The following CCDC181 variants were observed in gnomAD, a reference collection of about 807,000 sequenced individuals.
CCDC181 encodes the protein coiled-coil domain-containing protein 181.
CCDC181 carries 35 observed loss-of-function variants against 58.7 expected under a neutral mutation model. The observed-to-expected ratio is 0.60, with a 90% CI of 0.46 to 0.79. The LOEUF (loss-of-function observed/expected upper bound fraction) is 0.79. Ranked by LOEUF, CCDC181 falls within the 30% of genes least tolerant of loss-of-function variation. The pLI, the probability that CCDC181 is intolerant of heterozygous loss-of-function variation, is 0.00. For synonymous variants in CCDC181, 183 were observed against 197.5 expected (o/e 0.93, Z 0.62); for missense variants, 517 against 583.9 (o/e 0.89, Z 1.18).
Position 169,457,352 on chromosome 1 carries a change from T to C in CCDC181, c.-24+2445A>G, listed in dbSNP as rs113103964. Among the ~76,000 whole-genome samples, 5 of 152,248 alleles carry C rather than the reference T, an allele frequency of 3.3e-5. 1 individual carries two copies. Among genetic ancestry groups the C allele is most frequent in the African/African-American group, 1.2e-4 (5 of 41,554 alleles). On this transcript the variant is annotated intron_variant, in intron 2 of 6. Transcript: ENST00000545005. ...CTCCATTCTATCTATTCATTCCTTC[T>C]GAGGCTATAAGATCTTCTCATTCTG...
chr1:169,401,824 G>A (rs935124489), intron 4 of CCDC181, among the ~76,000 whole-genome samples: 1 of 152,194 alleles, frequency 6.6e-6, no homozygotes, highest in African/African-American at 2.4e-5. Flanking sequence ...GAGAGAAGAA[G>A]GCTTCAGACA....
intron 1 of CCDC181, among the ~76,000 whole-genome samples, chr1:169,425,862 A>G (rs1303570156): frequency 1.3e-5 from 2 of 152,156 alleles, no homozygotes; most frequent in East Asian, 3.8e-4. Context: ...ATTTTATGAT[A>G]AACATAGTTC....
intron 4 of CCDC181, among the ~76,000 whole-genome samples, chr1:169,411,602 A>C (rs1655965738): frequency 6.6e-6 from 1 of 152,206 alleles, no homozygotes; most frequent in Non-Finnish European, 1.5e-5. Context: ...TTTCAAGCCA[A>C]TATCCCTGAT....
chr1:169,448,501 C>T (rs971966802), intron 2 of CCDC181, among the ~76,000 whole-genome samples: 8 of 151,840 alleles, frequency 5.3e-5, no homozygotes, highest in Admixed American at 3.3e-4. Context: ...CTTTAAATAT[C>T]TCACTCTATT....
chr1:169,455,078 T>C (rs1201481852), intron 2 of CCDC181, among the ~76,000 whole-genome samples: 1 of 152,018 alleles, frequency 6.6e-6, no homozygotes, highest in Non-Finnish European at 1.5e-5. Context: ...AAATTTTTTC[T>C]ATTCATTTTC....
intron 2 of CCDC181, among the ~76,000 whole-genome samples, chr1:169,443,913 C>G (rs1420692674): frequency 2.0e-5 from 3 of 152,062 alleles, no homozygotes; most frequent in Non-Finnish European, 4.4e-5. Context: ...ATATTCTGTA[C>G]TGTTAATATC....
intron 3 of CCDC181, among the ~76,000 whole-genome samples, chr1:169,420,941 A>G (rs1378898646): frequency 6.6e-6 from 1 of 152,236 alleles, no homozygotes; most frequent in Non-Finnish European, 1.5e-5. Context: ...ATAACATGAA[A>G]CACATGCAAA....
intron 2 of CCDC181, among the ~76,000 whole-genome samples, chr1:169,447,217 A>G (rs1657401540): frequency 6.6e-6 from 1 of 152,058 alleles, no homozygotes; most frequent in African/African-American, 2.4e-5. Flanking sequence ...GGTTCAAGAA[A>G]TTCTCCTGCC....
chr1:169,460,166 A>G (rs1657804758), intron 1 of CCDC181: 2 of 152,088 alleles, frequency 1.3e-5, no homozygotes, highest in Non-Finnish European at 1.5e-5. Context: ...ATAATAAACT[A>G]TTTCAGTGGG....
rs557771678 is a variant in CCDC181, at chr1:169,444,368, C to T, written c.-24+15429G>A. ...TTCCTCAGGAAAAACTTGTTATCCT[C>T]GCATTAATTTTTAAAGTAATTTCTC... On this transcript the variant is annotated intron_variant, in intron 2 of 6. Coordinates refer to the CCDC181 transcript ENST00000545005. Among the ~76,000 whole-genome samples the T allele has an allele frequency of 2.6e-5, 4 of 152,242 alleles. No homozygotes were observed. The East Asian group carries it at 5.8e-4, about 22-fold the overall frequency.
chr1:169,446,650 C>T lies in CCDC181; in HGVS notation c.-24+13147G>A, dbSNP rs188694974. 1.5e-3 allele frequency among the ~76,000 whole-genome samples: 235 copies of T among 152,184 alleles called. 4 individuals carry two copies. Among genetic ancestry groups the T allele is most frequent in the Non-Finnish European group, 1.6e-4 (11 of 68,012 alleles). ...CAATAAAAATAATACAAATTAAATA[C>T]CAATGCTCTATAACAACTATTTACA... is the stretch of plus-strand genomic sequence containing the variant. On this transcript the variant is annotated intron_variant, in intron 2 of 6. Transcript: ENST00000545005.
chr1:169,405,459 A>G (rs1655595239), intron 4 of CCDC181, among the ~76,000 whole-genome samples: 2 of 152,202 alleles, frequency 1.3e-5, no homozygotes, highest in African/African-American at 2.4e-5. Context: ...CAAAACAGAG[A>G]TATAGACCAG....
chr1:169,441,742 A>G (rs1438463647), intron 2 of CCDC181, among the ~76,000 whole-genome samples: 1 of 151,954 alleles, frequency 6.6e-6, no homozygotes, highest in Non-Finnish European at 1.5e-5. Context: ...CTAGATATCA[A>G]TAGATGACTG....
At chr1:169,439,803 A>G (rs758238470) in intron 2 of CCDC181, among the ~76,000 whole-genome samples, 21 of 152,140 alleles carry the variant, frequency 1.4e-4, no homozygotes, top group Non-Finnish European at 2.6e-4. Context: ...TCAGAGGGAT[A>G]GGTGGGAAGC....
At chr1:169,437,472 G>A (rs986522400) in intron 2 of CCDC181, among the ~76,000 whole-genome samples, 4 of 152,330 alleles carry the variant, frequency 2.6e-5, no homozygotes, top group Middle Eastern at 6.8e-3. Flanking sequence ...GCCCAGGAAT[G>A]AACAAGGACA....
chr1:169,396,722 A>G (rs576850648), intron 5 of CCDC181, among the ~76,000 whole-genome samples: 190 of 152,310 alleles, frequency 1.2e-3, no homozygotes, highest in Non-Finnish European at 2.2e-3. Context: ...GTCTTACCCA[A>G]ATAACTAAAA....
intron 2 of CCDC181, among the ~76,000 whole-genome samples, chr1:169,457,169 A>G (rs1461169518): frequency 6.6e-6 from 1 of 151,896 alleles, no homozygotes; most frequent in Non-Finnish European, 1.5e-5. Flanking sequence ...TGCTTTTATG[A>G]TCTTCTCCTT....
At position 169,439,890 on chromosome 1, in the gene CCDC181, C is replaced by T. The variant is rs571519566; in HGVS notation, c.-23-14940G>A. On this transcript the variant is annotated intron_variant, in intron 2 of 6. Transcript: ENST00000545005. ...CATCTCCTCTCTGACCATCCCCAGCCGAACTCCTCTCAACGTTCAGATGCT... is the reference window on the plus strand; with the variant it reads ...CATCTCCTCTCTGACCATCCCCAGCTGAACTCCTCTCAACGTTCAGATGCT... Among the ~76,000 whole-genome samples the T allele has an allele frequency of 1.1e-4, 16 of 152,152 alleles. No homozygotes were observed. In the East Asian group the frequency reaches 2.3e-3, roughly 22 times the overall value.
At chr1:169,426,809 T>C (rs1437117237) in intron 1 of CCDC181, among the ~76,000 whole-genome samples, 1 of 152,160 alleles carries the variant, frequency 6.6e-6, no homozygotes, top group Admixed American at 6.5e-5. Context: ...ACTGTGATCC[T>C]ATAAGTAAGT....
Sources: gnomAD v4.1 joint callset for allele counts (sites outside exome capture counted in the v4.1 genomes callset) on GRCh38, gnomAD v4.1.1 for gene constraint, MANE v1.5 for transcripts, NCBI Gene and HGNC (gene_info 2026-07-23, HGNC 2026-07-21) for gene names.